The following TSPEAR variants were observed in gnomAD, a reference collection of about 807,000 sequenced individuals.
The protein encoded by TSPEAR is thrombospondin type laminin G domain and EAR repeats, also known as thrombospondin-type laminin G domain and EAR repeat-containing protein.
Under a neutral mutation model 71.6 loss-of-function variants are expected in TSPEAR, and 69 were observed. The ratio of observed to expected loss-of-function variants is 0.96; its 90% CI spans 0.79 to 1.18. The LOEUF is 1.18. Among genes scored for constraint, TSPEAR ranks in the 50% most tolerant of loss-of-function variants. TSPEAR has a pLI of 0.00. For missense variants in TSPEAR, 971 were observed against 894.9 expected (o/e 1.09, Z -1.09); for synonymous variants, 402 against 387.2 (o/e 1.04, Z -0.45).
At chr21:44,607,538 C>T (rs924715442) in intron 1 of TSPEAR, among the ~76,000 whole-genome samples, 16 of 152,146 alleles carry the variant, frequency 1.1e-4, no homozygotes, top group South Asian at 2.1e-4. Flanking sequence ...AATGTCTTCA[C>T]GACGTTGTGG....
intron 9 of TSPEAR, 31 bp from the exon 10 acceptor site, chr21:44,509,417 G>C: frequency 6.3e-7 from 1 of 1,582,262 alleles, no homozygotes; most frequent in Non-Finnish European, 8.6e-7. Flanking sequence ...GTGCAGAGGT[G>C]TGGGGGAGCG....
In TSPEAR at chr21:44,508,970, G is replaced by A. The variant is rs782190070; in HGVS notation, c.1754+229C>T. On this transcript the variant is annotated intron_variant, in intron 10 of 11. Transcript: ENST00000323084. ...GGGCAGAACTCCGCACACAGCACCC[G>A]GCTCTGGGAACCAAACCTGTGTCTC... 3.9e-5 allele frequency: 60 copies of A among 1,534,928 alleles called. No individual in the cohort carries two copies. In the African/African-American group the frequency reaches 4.2e-4, roughly 11 times the overall value.
intron 11 of TSPEAR, among the ~76,000 whole-genome samples, chr21:44,502,859 A>C (rs2052063007): frequency 6.6e-6 from 1 of 150,720 alleles, no homozygotes; most frequent in Non-Finnish European, 1.5e-5. Flanking sequence ...CTTGGGGGGA[A>C]GCAAGGCTCT....
At chr21:44,700,058 C>A (rs1987578526) in intron 1 of TSPEAR, among the ~76,000 whole-genome samples, 1 of 152,234 alleles carries the variant, frequency 6.6e-6, no homozygotes, top group Non-Finnish European at 1.5e-5. Flanking sequence ...GTCCTGTCCA[C>A]AGGTAAGAGC....
rs1737195619 is a variant in TSPEAR at position 44,574,399 on chromosome 21, G to A, written c.83-6394C>T. 1 of 1,602,790 alleles carries A rather than the reference G, an allele frequency of 6.2e-7. No individual in the cohort carries two copies. Among genetic ancestry groups the A allele is most frequent in the Non-Finnish European group, 8.5e-7 (1 of 1,174,572 alleles). The stretch of plus-strand genomic sequence containing the variant: ...CCCTCGTGCTGCCAGCAGTCTAGCT[G>A]CCAGCCGGCTTGCTGCACCTCCTCC... On this transcript the variant is annotated intron_variant, in intron 1 of 11. Coordinates refer to ENST00000323084, the MANE Select transcript of TSPEAR (RefSeq NM_144991.3).
chr21:44,529,836 C>T lies in TSPEAR; in HGVS notation c.752G>A (p.Gly251Glu). The change falls in exon 5 of 12, where the codon GGG becomes GAG. Residue 251 changes from glycine to glutamate, a missense_variant. By Grantham distance (98) the Gly-to-Glu change is moderately conservative. Coordinates refer to ENST00000323084, the MANE Select transcript of TSPEAR (RefSeq NM_144991.3). ...TAGCACCTCGTTATCTTCTGGCTTCCCCGTGAGAGCCTGCAGGACCCGTGG... is the reference window on the plus strand; with the variant it reads ...TAGCACCTCGTTATCTTCTGGCTTCTCCGTGAGAGCCTGCAGGACCCGTGG... ...SIPRVLQALT[G>E]KPEDNEVLKY... 6.2e-7 allele frequency: 1 copy of T among 1,613,916 alleles called. No homozygotes were observed.
rs147614245 is a variant in TSPEAR at position 44,545,266 on chromosome 21, C to T, written c.304-11343G>A. Among the ~76,000 whole-genome samples the T allele has an allele frequency of 8.6e-3, 1,295 of 151,322 alleles. 14 individuals carry two copies. The highest frequency in any genetic ancestry group is 0.03 in the African/African-American group (1,225 of 41,150). On this transcript the variant is annotated intron_variant, in intron 2 of 11. Coordinates refer to ENST00000323084, the MANE Select transcript of TSPEAR (RefSeq NM_144991.3). ...CCAGGAGGTGGAGCTTGCAGTGAGC[C>T]GATATCGTGCCACTGCACTCCAGCC...
At chr21:44,606,505 C>T (rs1981325750) in intron 1 of TSPEAR, among the ~76,000 whole-genome samples, 2 of 152,192 alleles carry the variant, frequency 1.3e-5, no homozygotes, top group African/African-American at 4.8e-5. Context: ...CTATGATCCA[C>T]AAATCCCACT....
chr21:44,509,418 TG>T (rs1220986098), intron 9 of TSPEAR, 32 bp from the exon 10 acceptor site: 1 of 1,377,858 alleles, frequency 7.3e-7, no homozygotes. Context: ...TGCAGAGGTG[TG>T]GGGGAGCGGG....
rs782093945 is a variant in TSPEAR at position 44,580,557 on chromosome 21, C to T, written c.83-12552G>A. On this transcript the variant is annotated intron_variant, in intron 1 of 11. Coordinates refer to ENST00000323084, the MANE Select transcript of TSPEAR (RefSeq NM_144991.3). The stretch of plus-strand genomic sequence containing the variant: ...GAGTCAGAGCAAGCGCTGGAGCAGA[C>T]GGACATGGTGCACGCGGCCATGCTG... 54 of 1,612,720 alleles carry T rather than the reference C, an allele frequency of 3.3e-5. No homozygotes were observed. Among genetic ancestry groups the T allele is most frequent in the Admixed American group, 1.3e-4 (8 of 59,948 alleles).
In TSPEAR at chr21:44,506,384, CTG is replaced by C. The variant is rs782497597; in HGVS notation, c.1755-1505_1755-1504del. Among the ~76,000 whole-genome samples the C allele has an allele frequency of 8.5e-5, 13 of 152,360 alleles. No individual in the cohort carries two copies. Among genetic ancestry groups the C allele is most frequent in the Non-Finnish European group, 1.6e-4 (11 of 68,026 alleles). On this transcript the variant is annotated intron_variant, in intron 10 of 11. Coordinates refer to ENST00000323084, the MANE Select transcript of TSPEAR (RefSeq NM_144991.3). This position sits in a 1 kb window ranked among gnomAD's most constrained non-coding sequence, Gnocchi z 4.2. ...TGACATGCAGGCCAGGCGGGTGCCT[CTG>C]TATTCAGCAGCCTCAGGGCTGTGGC...
chr21:44,533,603 G>A lies in TSPEAR; in HGVS notation c.542+82C>T, dbSNP rs928942455. ...CCCCAGGACAGCTCCTGCAGGTGTT[G>A]CTCGGCGAGCACGGCTGAAGGATGC... On this transcript the variant is annotated intron_variant, in intron 3 of 11. Coordinates refer to ENST00000323084, the MANE Select transcript of TSPEAR (RefSeq NM_144991.3). 8.3e-6 allele frequency: 10 copies of A among 1,204,852 alleles called. No homozygotes were observed. The African/African-American group carries it at 1.5e-4, about 18-fold the overall frequency. 74.6% of individuals were successfully genotyped at this position (1,204,852 alleles called of 1,614,324 possible).
intron 1 of TSPEAR, among the ~76,000 whole-genome samples, chr21:44,572,677 G>A (rs145644909): frequency 4.5e-4 from 69 of 151,942 alleles, no homozygotes; most frequent in South Asian, 4.2e-3. Context: ...GGATTGAATT[G>A]TGTCCCTCAA....
chr21:44,658,085 A>T (rs782481307), intron 1 of TSPEAR: 2 of 1,613,432 alleles, frequency 1.2e-6, no homozygotes, highest in African/African-American at 2.7e-5. Context: ...CTCCGTGTGC[A>T]TGCCCGTGAG....
chr21:44,684,993 C>T (rs1737048794), intron 1 of TSPEAR, among the ~76,000 whole-genome samples: 1 of 152,174 alleles, frequency 6.6e-6, no homozygotes, highest in African/African-American at 2.4e-5. Context: ...TGGCCTCGCC[C>T]GGCTTGTCCC....
intron 1 of TSPEAR, chr21:44,697,067 GCTCA>G (rs1407980114): frequency 1.1e-5 from 11 of 973,290 alleles, no homozygotes; most frequent in Non-Finnish European, 8.1e-6. Context: ...GCACCCAGAC[GCTCA>G]CTCACTCCCT....
chr21:44,582,798 TTC>T (rs1408036003), intron 1 of TSPEAR, among the ~76,000 whole-genome samples: 23 of 151,072 alleles, frequency 1.5e-4, no homozygotes, highest in Admixed American at 1.3e-3. Context: ...ATTTCTTTCT[TTC>T]TCTCTTTCTT....
At chr21:44,697,694 G>A (rs1292415841) in intron 1 of TSPEAR, 1 of 1,612,454 alleles carries the variant, frequency 6.2e-7, no homozygotes, top group Admixed American at 1.7e-5. Flanking sequence ...CTGTGTGCCT[G>A]TCTGCTCTGG....
chr21:44,551,236 A>T, intron 2 of TSPEAR: 1 of 1,614,004 alleles, frequency 6.2e-7, no homozygotes, highest in South Asian at 1.1e-5. Context: ...GAGGGCGTGC[A>T]GGAGCTGGTG....
Sources: gnomAD v4.1 joint callset for allele counts (sites outside exome capture counted in the v4.1 genomes callset) on GRCh38, gnomAD v4.1.1 for gene constraint, Gnocchi (gnomAD v3.1) non-coding constraint, MANE v1.5 for transcripts, NCBI Gene and HGNC (gene_info 2026-07-23, HGNC 2026-07-21) for gene names.